Variants in GPR158 observed in about 807,000 individuals in gnomAD.
GPR158 encodes the protein metabotropic glycine receptor.
A neutral mutation model predicts 78.2 loss-of-function variants in GPR158; 30 were observed. The ratio of observed to expected loss-of-function variants is 0.38; its 90% CI spans 0.29 to 0.52. GPR158 has a LOEUF of 0.52. Among genes scored for constraint, GPR158 ranks in the 20% least tolerant of loss-of-function variants. The pLI is 0.83. For missense variants in GPR158, 1,463 were observed against 1,523.5 expected (o/e 0.96, Z 0.66); for synonymous variants, 581 against 591.1 (o/e 0.98, Z 0.25).
At chr10:25,219,134 G>T (rs974927785) in intron 1 of GPR158, among the ~76,000 whole-genome samples, 4 of 152,222 alleles carry the variant, frequency 2.6e-5, no homozygotes, top group African/African-American at 9.6e-5. Context: ...TTCTGATAGT[G>T]AAAGCAGTCA....
intron 2 of GPR158, among the ~76,000 whole-genome samples, chr10:25,330,051 A>C (rs1204392265): frequency 6.6e-6 from 1 of 151,480 alleles, no homozygotes; most frequent in Non-Finnish European, 1.5e-5. Flanking sequence ...TTTAGGGTAC[A>C]TGTGCACATT....
intron 2 of GPR158, among the ~76,000 whole-genome samples, chr10:25,258,097 C>T (rs1853915394): frequency 6.6e-6 from 1 of 152,118 alleles, no homozygotes; most frequent in African/African-American, 2.4e-5. Context: ...TTTTTAACTA[C>T]CAGATAACTT....
At chr10:25,398,522 A>G (rs973581837) in intron 3 of GPR158, among the ~76,000 whole-genome samples, 2 of 152,226 alleles carry the variant, frequency 1.3e-5, no homozygotes, top group African/African-American at 4.8e-5. Context: ...GACTGAAATA[A>G]AACATCTAAA....
At chr10:25,420,073 T>C (rs1479686364) in intron 4 of GPR158, among the ~76,000 whole-genome samples, 1 of 152,208 alleles carries the variant, frequency 6.6e-6, no homozygotes, top group African/African-American at 2.4e-5. Flanking sequence ...TTACTAGATA[T>C]ATGGTTTGCA....
At chr10:25,574,485 A>T (rs970210726) in intron 7 of GPR158, among the ~76,000 whole-genome samples, 6 of 152,216 alleles carry the variant, frequency 3.9e-5, no homozygotes, top group Non-Finnish European at 8.8e-5. Context: ...TAGTAAAAGG[A>T]TAAGCAGTTT....
intron 2 of GPR158, among the ~76,000 whole-genome samples, chr10:25,282,827 GCTTT>G (rs1439512806): frequency 1.3e-5 from 2 of 151,898 alleles, no homozygotes; most frequent in Admixed American, 6.6e-5. Context: ...TGTATTGTTT[GCTTT>G]CTTATGAATT....
intron 2 of GPR158, among the ~76,000 whole-genome samples, chr10:25,277,682 A>T (rs1854203778): frequency 6.6e-6 from 1 of 152,142 alleles, no homozygotes; most frequent in Non-Finnish European, 1.5e-5. Flanking sequence ...TCCTGTGGAG[A>T]TTATACCTAA....
intron 2 of GPR158, among the ~76,000 whole-genome samples, chr10:25,384,924 G>C (rs1834202697): frequency 6.6e-6 from 1 of 152,070 alleles, no homozygotes; most frequent in Non-Finnish European, 1.5e-5. Flanking sequence ...CTTTGAACTA[G>C]AAAGATCATT....
intron 2 of GPR158, among the ~76,000 whole-genome samples, chr10:25,277,241 A>T (rs1376959075): frequency 6.6e-6 from 1 of 152,174 alleles, no homozygotes; most frequent in African/African-American, 2.4e-5. Flanking sequence ...CGTGTTCCAC[A>T]GTGCTCAGCT....
Position 25,501,026 on chromosome 10 carries a change from G to A in GPR158, c.1404+34307G>A, listed in dbSNP as rs78520025. ...GCATTGGTATCAGCCTATCGTACGC[G>A]TAAATGGAGGTTGCTTTATGGAGAT... On this transcript the variant is annotated intron_variant, in intron 5 of 10. Coordinates refer to ENST00000376351, the MANE Select transcript of GPR158 (RefSeq NM_020752.3). Among the ~76,000 whole-genome samples, 474 of 152,250 alleles carry A rather than the reference G, an allele frequency of 3.1e-3. 3 individuals are homozygous for A. The highest frequency in any genetic ancestry group is 0.011 in the African/African-American group (438 of 41,540).
intron 5 of GPR158, among the ~76,000 whole-genome samples, chr10:25,519,300 A>G (rs1046926141): frequency 7.0e-6 from 1 of 143,310 alleles, no homozygotes; most frequent in Non-Finnish European, 1.5e-5. Context: ...TGAATACAGC[A>G]CACTGGTGGG....
At chr10:25,241,369 T>TCTCTCTTCTCTCTTCTCTCTTCTCTC (rs1564399782) in intron 2 of GPR158, among the ~76,000 whole-genome samples, 1 of 85,344 alleles carries the variant, frequency 1.2e-5, no homozygotes, top group African/African-American at 5.8e-5. Context: ...TCTCTTTTCT[T>TCTCTCTTCTCTCTTCTCTCTTCTCTC]TTCTCTCTTC....
chr10:25,262,323 A>G (rs750460862), intron 2 of GPR158, among the ~76,000 whole-genome samples: 1 of 152,132 alleles, frequency 6.6e-6, no homozygotes, highest in Non-Finnish European at 1.5e-5. Context: ...ATAATAATGG[A>G]TAATTATCAT....
Position 25,342,692 on chromosome 10 carries a change from T to C in GPR158, c.1009-53219T>C, listed in dbSNP as rs150169549. 2.8e-4 allele frequency among the ~76,000 whole-genome samples: 43 copies of C among 152,042 alleles called. 1 individual carries two copies. In the East Asian group the frequency reaches 6.0e-3, roughly 21 times the overall value. On this transcript the variant is annotated intron_variant, in intron 2 of 10. Transcript: ENST00000376351. ...TCTGGAATCTGCCTTTATTTACTGATGGTATATAGGAACAGAGATTAGTAC... is the reference window on the plus strand; with the variant it reads ...TCTGGAATCTGCCTTTATTTACTGACGGTATATAGGAACAGAGATTAGTAC...
chr10:25,240,378 G>A (rs1382902354), intron 2 of GPR158, among the ~76,000 whole-genome samples: 1 of 152,070 alleles, frequency 6.6e-6, no homozygotes, highest in African/African-American at 2.4e-5. Context: ...GCATGGTGGT[G>A]CACGCCTGTA....
intron 2 of GPR158, among the ~76,000 whole-genome samples, chr10:25,331,573 G>A (rs766562263): frequency 7.9e-5 from 12 of 152,138 alleles, no homozygotes; most frequent in Non-Finnish European, 1.8e-4. Context: ...TACTCCAGGA[G>A]GTGTGATAGC....
At chr10:25,329,812 G>T (rs1855093143) in intron 2 of GPR158, among the ~76,000 whole-genome samples, 1 of 151,942 alleles carries the variant, frequency 6.6e-6, no homozygotes, top group African/African-American at 2.4e-5. Flanking sequence ...GGTTACGATG[G>T]CGTCATCAAA....
At chr10:25,260,672 G>C (rs1853957110) in intron 2 of GPR158, among the ~76,000 whole-genome samples, 1 of 152,010 alleles carries the variant, frequency 6.6e-6, no homozygotes, top group Non-Finnish European at 1.5e-5. Context: ...GTTTAAGGGA[G>C]CATCTCTAAT....
chr10:25,284,726 GTTA>G (rs570950414), intron 2 of GPR158, among the ~76,000 whole-genome samples: 350 of 151,424 alleles, frequency 2.3e-3, no homozygotes, highest in African/African-American at 8.1e-3. Context: ...AAAGTTGGGT[GTTA>G]TTATTCCATT....
Sources: allele counts gnomAD v4.1 joint callset (sites outside exome capture counted in the v4.1 genomes callset), GRCh38; gene constraint gnomAD v4.1.1; transcripts MANE v1.5; gene names NCBI Gene and HGNC (gene_info 2026-07-23, HGNC 2026-07-21).